FAM171A1: variants seen among roughly 807,000 people sequenced by gnomAD.
The protein encoded by FAM171A1 is protein FAM171A1.
A neutral mutation model predicts 74.9 loss-of-function variants in FAM171A1; 23 were observed. The observed-to-expected ratio is 0.31, with a 90% CI of 0.22 to 0.44. The LOEUF is 0.44. Ranked by LOEUF, FAM171A1 falls within the 20% of genes least tolerant of loss-of-function variation. The pLI, the probability that FAM171A1 is intolerant of heterozygous loss-of-function variation, is 1.00. For missense variants in FAM171A1, 1,162 were observed against 1,159.2 expected, an observed-to-expected ratio of 1.00 and a Z score of -0.03; for synonymous variants, 527 against 505.7, an observed-to-expected ratio of 1.04 and a Z score of -0.57.
At chr10:15,230,207 C>T (rs45470494) in intron 5 of FAM171A1, among the ~76,000 whole-genome samples, 21,784 of 152,258 alleles carry the variant, frequency 0.14, 1,670 homozygotes, top group Middle Eastern at 0.19. Context: ...ACAATTTCTA[C>T]ATTTATGACA....
At chr10:15,297,110 T>C (rs1588539487) in intron 1 of FAM171A1, among the ~76,000 whole-genome samples, 1 of 151,178 alleles carries the variant, frequency 6.6e-6, no homozygotes, top group Non-Finnish European at 1.5e-5. Context: ...CAGGCTGGAG[T>C]GCAGAGACAC....
At chr10:15,335,748 GCAAA>G (rs1835692663) in intron 1 of FAM171A1, among the ~76,000 whole-genome samples, 2 of 152,176 alleles carry the variant, frequency 1.3e-5, no homozygotes, top group Admixed American at 1.3e-4. Context: ...TTCAGCAGAG[GCAAA>G]CAGTGTGTAC....
At chr10:15,350,621 G>T (rs1341171019) in intron 1 of FAM171A1, among the ~76,000 whole-genome samples, 1 of 148,754 alleles carries the variant, frequency 6.7e-6, no homozygotes, top group African/African-American at 2.5e-5. Flanking sequence ...GATTACAGGC[G>T]TGAGCCACTG....
At chr10:15,358,470 C>T (rs536331630) in intron 1 of FAM171A1, among the ~76,000 whole-genome samples, 12 of 152,294 alleles carry the variant, frequency 7.9e-5, no homozygotes, top group Admixed American at 2.6e-4. Context: ...TCTTTCCTTT[C>T]CCCAACTCAC....
intron 5 of FAM171A1, among the ~76,000 whole-genome samples, chr10:15,229,040 A>G (rs921412889): frequency 1.3e-5 from 2 of 152,224 alleles, no homozygotes; most frequent in Non-Finnish European, 2.9e-5. Context: ...CTAGGTCTAT[A>G]AGCTGGGACT....
At chr10:15,267,751 G>A (rs1260165461) in intron 3 of FAM171A1, among the ~76,000 whole-genome samples, 1 of 152,140 alleles carries the variant, frequency 6.6e-6, no homozygotes, top group African/African-American at 2.4e-5. Context: ...AGACAGTGAA[G>A]TGTCCAGCTG....
chr10:15,266,306 C>T (rs1162889793), intron 3 of FAM171A1, among the ~76,000 whole-genome samples: 2 of 152,150 alleles, frequency 1.3e-5, no homozygotes, highest in African/African-American at 4.8e-5. Flanking sequence ...GACTGGTTAC[C>T]CCCAAGCTGG....
At chr10:15,236,285 CAAAAA>C (rs369050654) in intron 5 of FAM171A1, among the ~76,000 whole-genome samples, 2 of 137,084 alleles carry the variant, frequency 1.5e-5, no homozygotes, top group Admixed American at 7.3e-5. Flanking sequence ...ATCATGCTTC[CAAAAA>C]AAAAAAAAAA....
chr10:15,339,667 T>C (rs1483798532), intron 1 of FAM171A1, among the ~76,000 whole-genome samples: 1 of 152,160 alleles, frequency 6.6e-6, no homozygotes. Context: ...CAGGCTTAGT[T>C]ACTCCTCCTA....
intron 1 of FAM171A1, among the ~76,000 whole-genome samples, chr10:15,365,180 C>G (rs11259627): frequency 6.6e-5 from 10 of 152,062 alleles, no homozygotes; most frequent in African/African-American, 2.4e-4. Context: ...ACATTTGCTA[C>G]GTAAATTTAT....
At chr10:15,271,016 G>C (rs938298462) in intron 3 of FAM171A1, among the ~76,000 whole-genome samples, 3 of 152,206 alleles carry the variant, frequency 2.0e-5, no homozygotes, top group Non-Finnish European at 4.4e-5. Flanking sequence ...ATGGAACAAA[G>C]CTGGACAGAG....
chr10:15,350,879 G>T (rs771062469), intron 1 of FAM171A1, among the ~76,000 whole-genome samples: 13 of 152,124 alleles, frequency 8.5e-5, no homozygotes, highest in Non-Finnish European at 1.8e-4. Context: ...CTGACCTCGA[G>T]TGATCTGCCT....
chr10:15,211,865 C>T lies in FAM171A1; in HGVS notation c.*1050G>A, dbSNP rs964054084. On this transcript the variant is annotated 3_prime_UTR_variant, in exon 8 of 8. Transcript: ENST00000378116. ...AGCCCATAGGATTCCAGAGTTAATACGTAACCGTATATACAAACAGCCAAA... is the reference window on the plus strand; with the variant it reads ...AGCCCATAGGATTCCAGAGTTAATATGTAACCGTATATACAAACAGCCAAA... The T allele has an allele frequency of 6.6e-6, 1 of 152,198 alleles. No homozygotes were observed. Among genetic ancestry groups the T allele is most frequent in the East Asian group, 1.9e-4 (1 of 5,168 alleles). 9.4% of individuals were successfully genotyped at this position (152,198 alleles called of 1,614,324 possible).
intron 1 of FAM171A1, among the ~76,000 whole-genome samples, chr10:15,341,410 A>G (rs7097409): frequency 2.2e-4 from 33 of 152,344 alleles, no homozygotes; most frequent in African/African-American, 7.0e-4. Flanking sequence ...AAAGTATAAA[A>G]TAGAGGTTTC....
Position 15,217,804 on chromosome 10 carries a change from A to AT in FAM171A1, c.872-1695dup, listed in dbSNP as rs556061334. On this transcript the variant is annotated intron_variant, in intron 6 of 7. Transcript: ENST00000378116. ...AGGCGCCCGCCACCATGCCTGGCTA[A>AT]TTTTTTTAAGTAGAGATGGGGTTTC... Among the ~76,000 whole-genome samples the AT allele has an allele frequency of 2.7e-3, 407 of 151,820 alleles. 1 individual carries two copies. Among genetic ancestry groups the AT allele is most frequent in the African/African-American group, 9.0e-3 (373 of 41,414 alleles).
chr10:15,296,076 C>A (rs1220392237), intron 1 of FAM171A1, among the ~76,000 whole-genome samples: 1 of 152,116 alleles, frequency 6.6e-6, no homozygotes, highest in Non-Finnish European at 1.5e-5. Context: ...AAAGCATGTT[C>A]CAGGATGCCT....
chr10:15,324,275 G>A (rs922823829), intron 1 of FAM171A1, among the ~76,000 whole-genome samples: 6 of 152,060 alleles, frequency 3.9e-5, no homozygotes, highest in African/African-American at 1.4e-4. Flanking sequence ...AGGAAGACGG[G>A]GTGATTCAAG....
At chr10:15,235,301 CAAAAAAAAAAAAA>C (rs1193195866) in intron 5 of FAM171A1, among the ~76,000 whole-genome samples, 2 of 44,550 alleles carry the variant, frequency 4.5e-5, no homozygotes, top group African/African-American at 7.5e-5. Context: ...GACTCTGTCT[CAAAAAAAAAAAAA>C]AAAAAAAAAA....
At chr10:15,351,161 C>CT (rs1362251444) in intron 1 of FAM171A1, among the ~76,000 whole-genome samples, 1 of 152,170 alleles carries the variant, frequency 6.6e-6, no homozygotes, top group Non-Finnish European at 1.5e-5. Flanking sequence ...AGTCTTAATT[C>CT]TTTTTATCTT....
Sources: gnomAD v4.1 joint callset for allele counts (sites outside exome capture counted in the v4.1 genomes callset) on GRCh38, gnomAD v4.1.1 for gene constraint, MANE v1.5 for transcripts, NCBI Gene and HGNC (gene_info 2026-07-23, HGNC 2026-07-21) for gene names.